ACTR3C: variants seen among roughly 807,000 people sequenced by gnomAD.
ACTR3C encodes the protein actin-related protein 3C.
A neutral mutation model predicts 26.3 loss-of-function variants in ACTR3C; 18 were observed. The ratio of observed to expected loss-of-function variants is 0.68; its 90% CI spans 0.47 to 1.01. ACTR3C has a LOEUF of 1.01. ACTR3C is among the 50% of genes least tolerant of loss of function. The pLI is 0.00. For synonymous variants in ACTR3C, 55 were observed against 94.5 expected, an observed-to-expected ratio of 0.58 and a Z score of 2.42; for missense variants, 184 against 250.7, an observed-to-expected ratio of 0.73 and a Z score of 1.80.
chr7:149,992,220 C>T, the ACTR3C span, among the ~76,000 whole-genome samples: 914 of 152,378 alleles, frequency 6.0e-3, 6 homozygotes, highest in African/African-American at 0.012. Flanking sequence ...GAAAATACCA[C>T]GTGTCCCATG....
chr7:150,046,359 C>A, the ACTR3C span, among the ~76,000 whole-genome samples: 1 of 100,868 alleles, frequency 9.9e-6, no homozygotes, highest in South Asian at 3.8e-4. Flanking sequence ...CCCCCCCCCC[C>A]CGACCCAAAC....
At chr7:150,237,219 T>C in the ACTR3C span, among the ~76,000 whole-genome samples, 46 of 152,374 alleles carry the variant, frequency 3.0e-4, no homozygotes, top group African/African-American at 9.6e-4. Flanking sequence ...TTCCCATGCA[T>C]TGCAGCAGAC....
the ACTR3C span, among the ~76,000 whole-genome samples, chr7:150,228,150 C>A: frequency 6.6e-6 from 1 of 152,090 alleles, no homozygotes; most frequent in Non-Finnish European, 1.5e-5. Context: ...GACTATCATT[C>A]TCGATATTGA....
At chr7:149,992,824 T>A in the ACTR3C span, among the ~76,000 whole-genome samples, 5 of 152,128 alleles carry the variant, frequency 3.3e-5, no homozygotes, top group African/African-American at 1.2e-4. Flanking sequence ...CCATAGGCCA[T>A]CTGCAAGCTC....
the ACTR3C span, among the ~76,000 whole-genome samples, chr7:150,055,127 T>C: frequency 6.6e-6 from 1 of 152,362 alleles, no homozygotes; most frequent in Non-Finnish European, 1.5e-5. Flanking sequence ...ACTCATACAG[T>C]GGCTTTCAAA....
At chr7:150,306,357 G>A (rs2531003) in intron 1 of ACTR3C, among the ~76,000 whole-genome samples, 44,989 of 151,392 alleles carry the variant, frequency 0.3, 6,939 homozygotes, top group East Asian at 0.42. Flanking sequence ...AACTCCTGGC[G>A]CGGGAAGCTG....
chr7:150,087,774 C>T, the ACTR3C span, among the ~76,000 whole-genome samples: 50 of 152,314 alleles, frequency 3.3e-4, no homozygotes, highest in African/African-American at 1.2e-3. Flanking sequence ...GAAGAAAACA[C>T]AAACTCTCAA....
the ACTR3C span, among the ~76,000 whole-genome samples, chr7:150,198,752 TGGG>T: frequency 3.1e-4 from 30 of 95,836 alleles, no homozygotes; most frequent in African/African-American, 9.0e-4. Context: ...GGGAGGGAGG[TGGG>T]GGGGGGTCAG....
chr7:150,215,724 T>C, the ACTR3C span, among the ~76,000 whole-genome samples: 1 of 151,392 alleles, frequency 6.6e-6, no homozygotes, highest in East Asian at 2.0e-4. Flanking sequence ...ACTCTTTAAG[T>C]ATGTTTCTGA....
downstream of ACTR3C, among the ~76,000 whole-genome samples, chr7:150,241,314 G>A (rs918125120): frequency 6.6e-6 from 1 of 152,058 alleles, no homozygotes; most frequent in African/African-American, 2.4e-5. Flanking sequence ...AGAGATTGAT[G>A]GGGTAAATTT....
the ACTR3C span, among the ~76,000 whole-genome samples, chr7:149,930,732 T>C: frequency 6.6e-6 from 1 of 152,228 alleles, no homozygotes; most frequent in African/African-American, 2.4e-5. Context: ...TGGGGGTGCA[T>C]GGAAAGATTT....
downstream of ACTR3C, among the ~76,000 whole-genome samples, chr7:150,243,174 A>G (rs557717587): frequency 6.6e-6 from 1 of 152,326 alleles, no homozygotes; most frequent in South Asian, 2.1e-4. Flanking sequence ...GAATTCACTC[A>G]TATGGCCTAT....
At chr7:149,891,855 C>T in the ACTR3C span, among the ~76,000 whole-genome samples, 2 of 40,276 alleles carry the variant, frequency 5.0e-5, no homozygotes, top group South Asian at 2.0e-3. Context: ...AATGAGGAAC[C>T]GATAGAAAAC....
the ACTR3C span, among the ~76,000 whole-genome samples, chr7:150,180,554 C>T: frequency 7.0e-6 from 1 of 143,326 alleles, no homozygotes. Context: ...GCTCTGTCGC[C>T]CAGGCTGGAG....
chr7:149,955,238 T>C, the ACTR3C span, among the ~76,000 whole-genome samples: 1 of 152,256 alleles, frequency 6.6e-6, no homozygotes, highest in Non-Finnish European at 1.5e-5. Flanking sequence ...CCTTCAAGTT[T>C]AAAAAGGTCC....
At chr7:150,155,109 T>A in the ACTR3C span, among the ~76,000 whole-genome samples, 1 of 152,154 alleles carries the variant, frequency 6.6e-6, no homozygotes, top group Non-Finnish European at 1.5e-5. Context: ...CAGTTGCTCT[T>A]TTATGAGCAC....
At chr7:150,082,939 TTTTTTTTC>T in the ACTR3C span, among the ~76,000 whole-genome samples, 1 of 115,084 alleles carries the variant, frequency 8.7e-6, no homozygotes, top group African/African-American at 3.5e-5. Context: ...TTTTTCTTTT[TTTTTTTTC>T]TTTTTTTTTT....
chr7:150,235,778 A>G, the ACTR3C span, among the ~76,000 whole-genome samples: 10 of 152,048 alleles, frequency 6.6e-5, no homozygotes, highest in African/African-American at 2.4e-4. Flanking sequence ...ATCTGAGAAT[A>G]GCATTTGGGT....
chr7:150,135,650 A>T, the ACTR3C span, among the ~76,000 whole-genome samples: 1 of 152,214 alleles, frequency 6.6e-6, no homozygotes, highest in East Asian at 1.9e-4. Flanking sequence ...GATAAGAGCC[A>T]CGGTTACACA....
Sources: allele counts gnomAD v4.1 joint callset (sites outside exome capture counted in the v4.1 genomes callset), GRCh38; gene constraint gnomAD v4.1.1; transcripts MANE v1.5; gene names NCBI Gene and HGNC (gene_info 2026-07-23, HGNC 2026-07-21).